Variants in ARHGAP15 observed in about 807,000 individuals in gnomAD.
ARHGAP15 encodes Rho GTPase activating protein 15.
Under a neutral mutation model 63.7 loss-of-function variants are expected in ARHGAP15, and 51 were observed. That is an observed-to-expected ratio of 0.80 (90% CI 0.64 to 1.01). ARHGAP15 has a LOEUF of 1.01. Among genes scored for constraint, ARHGAP15 ranks in the 50% least tolerant of loss-of-function variants. The pLI, the probability that ARHGAP15 is intolerant of heterozygous loss-of-function variation, is 0.00. For missense variants in ARHGAP15, 560 were observed against 564.6 expected (o/e 0.99, Z 0.08); for synonymous variants, 191 against 193.8 (o/e 0.99, Z 0.12).
intron 5 of ARHGAP15, among the ~76,000 whole-genome samples, chr2:143,248,287 A>G (rs1247628086): frequency 1.3e-5 from 2 of 152,162 alleles, no homozygotes; most frequent in Non-Finnish European, 2.9e-5. Context: ...CCGTGTGAAG[A>G]TTGGGAGGTA....
chr2:143,370,748 C>A (rs1686513650), intron 6 of ARHGAP15, among the ~76,000 whole-genome samples: 1 of 152,176 alleles, frequency 6.6e-6, no homozygotes, highest in South Asian at 2.1e-4. Context: ...CTTCATGATA[C>A]TCAAAGCAAC....
chr2:143,276,969 C>G (rs565841911), intron 6 of ARHGAP15, among the ~76,000 whole-genome samples: 1 of 152,274 alleles, frequency 6.6e-6, no homozygotes, highest in South Asian at 2.1e-4. Flanking sequence ...TTAGAAATTG[C>G]ATCGTTGGAG....
chr2:143,192,849 C>A (rs1001039255), intron 2 of ARHGAP15, among the ~76,000 whole-genome samples: 5 of 152,152 alleles, frequency 3.3e-5, no homozygotes, highest in African/African-American at 9.7e-5. Flanking sequence ...GCTGGAACTG[C>A]AACAGACAAA....
intron 6 of ARHGAP15, among the ~76,000 whole-genome samples, chr2:143,347,685 T>C (rs1473538086): frequency 6.6e-6 from 1 of 152,118 alleles, no homozygotes; most frequent in Non-Finnish European, 1.5e-5. Flanking sequence ...TCTCTGGATG[T>C]TGCGTTAGGA....
intron 3 of ARHGAP15, among the ~76,000 whole-genome samples, chr2:143,205,180 G>T (rs1692280622): frequency 6.6e-6 from 1 of 150,854 alleles, no homozygotes; most frequent in South Asian, 2.1e-4. Flanking sequence ...CCAGCTACTT[G>T]TTAGGCTGAG....
At chr2:143,753,686 A>G (rs1686467874) in intron 13 of ARHGAP15, among the ~76,000 whole-genome samples, 1 of 152,236 alleles carries the variant, frequency 6.6e-6, no homozygotes, top group Non-Finnish European at 1.5e-5. Flanking sequence ...GCATTTTACC[A>G]AAAATAAAAT....
intron 13 of ARHGAP15, among the ~76,000 whole-genome samples, chr2:143,747,476 T>C (rs900018611): frequency 1.3e-5 from 2 of 152,184 alleles, no homozygotes; most frequent in Non-Finnish European, 2.9e-5. Flanking sequence ...TAACCACCAT[T>C]ATAGTGTCAG....
chr2:143,400,909 G>A (rs956294729), intron 6 of ARHGAP15, among the ~76,000 whole-genome samples: 3 of 151,958 alleles, frequency 2.0e-5, no homozygotes, highest in Non-Finnish European at 2.9e-5. Flanking sequence ...ATGAAAGTCC[G>A]AGAACTCAGT....
At chr2:143,570,648 C>T (rs1356539577) in intron 11 of ARHGAP15, among the ~76,000 whole-genome samples, 1 of 152,190 alleles carries the variant, frequency 6.6e-6, no homozygotes, top group African/African-American at 2.4e-5. Context: ...CTATTGAACT[C>T]AGTTCCAAAA....
At chr2:143,293,169 G>T (rs1320152424) in intron 6 of ARHGAP15, among the ~76,000 whole-genome samples, 1 of 151,858 alleles carries the variant, frequency 6.6e-6, no homozygotes, top group East Asian at 1.9e-4. Context: ...CCACCCTCTT[G>T]GACACTTTAT....
chr2:143,146,466 G>T (rs897575819), intron 1 of ARHGAP15, among the ~76,000 whole-genome samples: 9 of 151,978 alleles, frequency 5.9e-5, no homozygotes, highest in African/African-American at 1.9e-4. Context: ...ATTAGCTTTA[G>T]TGGGGTGAGG....
intron 12 of ARHGAP15, among the ~76,000 whole-genome samples, chr2:143,659,778 A>C (rs1028923244): frequency 1.2e-4 from 19 of 152,168 alleles, no homozygotes; most frequent in Non-Finnish European, 2.4e-4. Flanking sequence ...AGCTTTCATT[A>C]GTTCTAGAAG....
chr2:143,223,520 G>A (rs745821660), intron 4 of ARHGAP15, among the ~76,000 whole-genome samples: 5 of 152,120 alleles, frequency 3.3e-5, no homozygotes, highest in Non-Finnish European at 5.9e-5. Flanking sequence ...TTCTCTCAAA[G>A]TTATGATGAA....
intron 10 of ARHGAP15, among the ~76,000 whole-genome samples, chr2:143,552,551 A>AG: frequency 7.1e-6 from 1 of 140,276 alleles, no homozygotes; most frequent in Non-Finnish European, 1.5e-5. Context: ...CTTCTTCAGG[A>AG]GAAAAAAAAG....
rs5834942 is a variant in ARHGAP15, at chr2:143,259,020, CTTT to C, written c.474+8429_474+8431del. Among the ~76,000 whole-genome samples, 201 of 148,484 alleles carry C rather than the reference CTTT, an allele frequency of 1.4e-3. 2 individuals are homozygous for C. Among genetic ancestry groups the C allele is most frequent in the African/African-American group, 4.7e-3 (191 of 40,792 alleles). On this transcript the variant is annotated intron_variant, in intron 6 of 13. Coordinates refer to ENST00000295095, the MANE Select transcript of ARHGAP15 (RefSeq NM_018460.4). ...AACTTAGAAAGACCTTGATTGTGGT[CTTT>C]TTTTTTTTCTTGAAGTTGAATTTTA...
intron 6 of ARHGAP15, among the ~76,000 whole-genome samples, chr2:143,382,545 C>G (rs1402749626): frequency 1.3e-5 from 2 of 152,088 alleles, no homozygotes; most frequent in African/African-American, 4.8e-5. Flanking sequence ...CCTTAATGAC[C>G]TCATTTTAAC....
chr2:143,657,467 C>T (rs923269814), intron 12 of ARHGAP15, among the ~76,000 whole-genome samples: 11 of 152,222 alleles, frequency 7.2e-5, no homozygotes, highest in Non-Finnish European at 1.6e-4. Flanking sequence ...ATGTACACTT[C>T]AGGCTAAAGA....
intron 11 of ARHGAP15, among the ~76,000 whole-genome samples, chr2:143,621,134 C>T (rs1161656807): frequency 6.6e-6 from 1 of 152,130 alleles, no homozygotes; most frequent in African/African-American, 2.4e-5. Flanking sequence ...CTGGGAAATG[C>T]TACTGGCATC....
chr2:143,422,679 T>G (rs1223716207), intron 6 of ARHGAP15, among the ~76,000 whole-genome samples: 1 of 152,120 alleles, frequency 6.6e-6, no homozygotes, highest in East Asian at 1.9e-4. Flanking sequence ...TATTTCTTGA[T>G]TACATGTGTA....
Sources: allele counts gnomAD v4.1 joint callset (sites outside exome capture counted in the v4.1 genomes callset), GRCh38; gene constraint gnomAD v4.1.1; transcripts MANE v1.5; gene names NCBI Gene and HGNC (gene_info 2026-07-23, HGNC 2026-07-21).